Variants in KAZN observed in about 807,000 individuals in gnomAD.
KAZN encodes the protein kazrin.
KAZN carries 40 observed loss-of-function variants against 87.4 expected under a neutral mutation model. The ratio of observed to expected loss-of-function variants is 0.46; its 90% CI spans 0.36 to 0.60. The LOEUF is 0.60. Among genes scored for constraint, KAZN ranks in the 20% least tolerant of loss-of-function variants. The pLI is 0.00. For synonymous variants in KAZN, 466 were observed against 458.3 expected (o/e 1.02, Z -0.22); for missense variants, 898 against 1,073.9 (o/e 0.84, Z 2.29).
chr1:14,843,420 G>A (rs766697350), intron 1 of KAZN, among the ~76,000 whole-genome samples: 4 of 152,196 alleles, frequency 2.6e-5, no homozygotes, highest in Non-Finnish European at 5.9e-5. Flanking sequence ...AAGCCAAGAG[G>A]AGTAGTTTTC....
chr1:14,886,534 G>C (rs1475587117), intron 1 of KAZN, among the ~76,000 whole-genome samples: 1 of 152,118 alleles, frequency 6.6e-6, no homozygotes, highest in East Asian at 1.9e-4. Flanking sequence ...GCTCACGCCT[G>C]TAATCCCAGC....
intron 11 of KAZN, among the ~76,000 whole-genome samples, chr1:15,102,026 C>T (rs977289648): frequency 8.5e-5 from 13 of 152,096 alleles, no homozygotes; most frequent in African/African-American, 2.2e-4. Flanking sequence ...CTATTGGGCA[C>T]GGGCCAGGCG....
In KAZN at chr1:14,409,429, G is replaced by A. The variant is rs185228150; in HGVS notation, c.250-189554G>A. 8.5e-5 allele frequency among the ~76,000 whole-genome samples: 13 copies of A among 152,272 alleles called. No homozygotes were observed. The East Asian group carries it at 9.6e-4, about 11-fold the overall frequency. ...ACCTGCCCAGGAAGACAACAAGAGC[G>A]CTTGAGTTCCTTGATGTAGATTCTG... On this transcript the variant is annotated intron_variant, in intron 2 of 16. Transcript: ENST00000636203.
chr1:13,968,738 C>CT (rs1325317765), intron 1 of KAZN, among the ~76,000 whole-genome samples: 15 of 152,208 alleles, frequency 9.9e-5, no homozygotes, highest in African/African-American at 1.7e-4. Context: ...GTTTTGTTTT[C>CT]TTTTTTCCTA....
intron 1 of KAZN, among the ~76,000 whole-genome samples, chr1:14,050,660 A>G (rs137887866): frequency 1.3e-5 from 2 of 152,196 alleles, no homozygotes; most frequent in African/African-American, 4.8e-5. Context: ...TCGAGATGAG[A>G]TTTGGGTGGG....
In KAZN at chr1:14,960,905, G is replaced by T. The variant is rs781562208; in HGVS notation, c.418+30G>T. 4 of 1,581,834 alleles carry T rather than the reference G, an allele frequency of 2.5e-6. No individual in the cohort carries two copies. In the African/African-American group the frequency reaches 4.1e-5, roughly 16 times the overall value. Reference sequence around the variant, plus strand: ...GTGACGAGTCAGCAGCAGTTCCTTCGCTGGGAGCTCAGGCCCCAGGGATCT... The same window carrying T: ...GTGACGAGTCAGCAGCAGTTCCTTCTCTGGGAGCTCAGGCCCCAGGGATCT... On this transcript the variant is annotated intron_variant, in intron 2 of 14. Coordinates refer to ENST00000376030, the MANE Select transcript of KAZN (RefSeq NM_201628.3).
chr1:14,075,841 G>T (rs976037902), intron 1 of KAZN, among the ~76,000 whole-genome samples: 2 of 152,106 alleles, frequency 1.3e-5, no homozygotes, highest in Non-Finnish European at 2.9e-5. Context: ...GTGGCACCCT[G>T]TTATGAGTTG....
intron 1 of KAZN, among the ~76,000 whole-genome samples, chr1:13,938,244 C>A (rs1489233903): frequency 1.3e-5 from 2 of 152,112 alleles, no homozygotes; most frequent in Non-Finnish European, 2.9e-5. Flanking sequence ...GATCGTTCAG[C>A]TCCTTGGTTA....
intron 1 of KAZN, among the ~76,000 whole-genome samples, chr1:14,157,298 A>G (rs1337808323): frequency 6.6e-6 from 1 of 152,188 alleles, no homozygotes; most frequent in African/African-American, 2.4e-5. Context: ...ACAGTGTTAT[A>G]ATACTCTGTG....
rs1406033099 is a variant in KAZN, at chr1:15,077,849, CA to C, written c.1222+12097del. On this transcript the variant is annotated intron_variant, in intron 8 of 14. Transcript: ENST00000376030. This position sits in a 1 kb window ranked among gnomAD's most constrained non-coding sequence, Gnocchi z 4.8. ...GGCTTCATGGGAGCAGGAGAGGTAG[CA>C]GGGGGTGTGAGGAAAGCTAATATGA... Among the ~76,000 whole-genome samples, 1 of 152,130 alleles carries C rather than the reference CA, an allele frequency of 6.6e-6. No homozygotes were observed. The highest frequency in any genetic ancestry group is 2.4e-5 in the African/African-American group (1 of 41,420).
intron 1 of KAZN, among the ~76,000 whole-genome samples, chr1:14,077,160 G>C (rs1212433746): frequency 1.3e-5 from 2 of 152,052 alleles, no homozygotes; most frequent in Non-Finnish European, 2.9e-5. Context: ...GTGTTACATG[G>C]GGCTTTAGGC....
chr1:14,436,728 A>AAAAAAAAAAAAAAAAAC, intron 2 of KAZN, among the ~76,000 whole-genome samples: 1 of 29,354 alleles, frequency 3.4e-5, no homozygotes, highest in African/African-American at 1.8e-4. Flanking sequence ...AAAAAAAAAA[A>AAAAAAAAAAAAAAAAAC]AAAAAAAAAA....
chr1:14,515,654 T>A (rs1221558966), intron 2 of KAZN, among the ~76,000 whole-genome samples: 5 of 152,154 alleles, frequency 3.3e-5, no homozygotes, highest in Non-Finnish European at 5.9e-5. Context: ...TTAGGGGCTT[T>A]CCCTGGAGCC....
rs1282214731 is a variant in KAZN at position 15,094,256 on chromosome 1, G to A, written c.1299G>A (p.Gln433=). Residue 433 remains glutamine (Q), a synonymous_variant, in exon 9 of 15, where the codon CAG becomes CAA. Coordinates refer to ENST00000376030, the MANE Select transcript of KAZN (RefSeq NM_201628.3). This position sits in a 1 kb window ranked among gnomAD's most constrained non-coding sequence, Gnocchi z 4.5. ...GCGAGGAGCAGATGGACCGGCTGCA[G>A]CAGGTGGAGCTGGTGAGGACCACCC... ...SEGEEQMDRL[Q]QVELVRTTPM... The A allele has an allele frequency of 1.9e-6, 3 of 1,613,984 alleles. No individual in the cohort carries two copies. Among genetic ancestry groups the A allele is most frequent in the Non-Finnish European group, 1.7e-6 (2 of 1,179,894 alleles).
chr1:14,796,748 T>A (rs1156236359), intron 1 of KAZN, among the ~76,000 whole-genome samples: 1 of 152,166 alleles, frequency 6.6e-6, no homozygotes. Flanking sequence ...CTCGCCCCCA[T>A]CACCTGAAGG....
At chr1:14,518,373 C>T (rs970735170) in intron 2 of KAZN, among the ~76,000 whole-genome samples, 2 of 151,924 alleles carry the variant, frequency 1.3e-5, no homozygotes, top group African/African-American at 2.4e-5. Context: ...GACAGGATTT[C>T]GCCATGTTGG....
intron 1 of KAZN, among the ~76,000 whole-genome samples, chr1:14,681,635 A>G (rs1381194853): frequency 3.6e-4 from 15 of 41,422 alleles, no homozygotes; most frequent in African/African-American, 1.7e-3. Flanking sequence ...ATATATATAT[A>G]TATATATATA....
At chr1:15,034,380 T>C (rs1157587369) in intron 2 of KAZN, among the ~76,000 whole-genome samples, 3 of 152,188 alleles carry the variant, frequency 2.0e-5, no homozygotes, top group Non-Finnish European at 4.4e-5. Context: ...AGGGTTCCTT[T>C]TGAGAGGGAA....
chr1:14,649,995 T>C (rs1340880010), intron 1 of KAZN, among the ~76,000 whole-genome samples: 1 of 150,598 alleles, frequency 6.6e-6, no homozygotes, highest in Admixed American at 6.6e-5. Flanking sequence ...AACTGTCCTG[T>C]GACAGTGGGT....
Sources: gnomAD v4.1 joint callset for allele counts (sites outside exome capture counted in the v4.1 genomes callset) on GRCh38, gnomAD v4.1.1 for gene constraint, Gnocchi (gnomAD v3.1) non-coding constraint, MANE v1.5 for transcripts, NCBI Gene and HGNC (gene_info 2026-07-23, HGNC 2026-07-21) for gene names.